The following AK5 variants were observed in gnomAD, a reference collection of about 807,000 sequenced individuals.
AK5 encodes the protein adenylate kinase 5.
In AK5, 27 loss-of-function variants were observed where a neutral mutation model predicts 69.5. That is an observed-to-expected ratio of 0.39 (90% CI 0.29 to 0.54). AK5 has a LOEUF of 0.54. AK5 is among the 20% of genes least tolerant of loss of function. The probability of loss-of-function intolerance (pLI) is 0.71; values close to 1 mark genes in which losing one functional copy is unlikely to be tolerated. For synonymous variants in AK5, 260 were observed against 244.4 expected, an observed-to-expected ratio of 1.06 and a Z score of -0.60; for missense variants, 531 against 700.4, an observed-to-expected ratio of 0.76 and a Z score of 2.73.
intron 13 of AK5, among the ~76,000 whole-genome samples, chr1:77,543,742 G>A (rs867377363): frequency 2.6e-5 from 4 of 152,094 alleles, no homozygotes; most frequent in Non-Finnish European, 2.9e-5. Context: ...CTCATTTATG[G>A]GGGTCTTCAG....
chr1:77,535,989 C>A lies in AK5; in HGVS notation c.1571C>A (p.Ala524Glu), dbSNP rs751611594. 7.4e-6 allele frequency: 12 copies of A among 1,613,792 alleles called. No homozygotes were observed. Among genetic ancestry groups the A allele is most frequent in the Non-Finnish European group, 1.0e-5 (12 of 1,179,994 alleles). Residue 524 changes from alanine to glutamate, a missense_variant, in exon 13 of 14, where the codon GCG becomes GAG. Transcript: ENST00000354567. ...AAGCGCCTAGAAGCCTACTACCGAG[C>A]GTCCATCCCCGTGATCGCCTACTAC... ...IAKRLEAYYR[A>E]SIPVIAYYET...
intron 6 of AK5, among the ~76,000 whole-genome samples, chr1:77,363,927 A>C (rs544766641): frequency 1.3e-5 from 2 of 151,834 alleles, no homozygotes; most frequent in African/African-American, 4.8e-5. Context: ...TTCTTTGTCT[A>C]CCTCTTCTGG....
chr1:77,335,553 A>G (rs945553279), intron 5 of AK5, among the ~76,000 whole-genome samples: 1 of 152,162 alleles, frequency 6.6e-6, no homozygotes, highest in African/African-American at 2.4e-5. Flanking sequence ...GGGTCTTCAC[A>G]TCTTTTAAAA....
chr1:77,477,862 A>G (rs760053317), intron 8 of AK5, among the ~76,000 whole-genome samples: 3 of 152,192 alleles, frequency 2.0e-5, no homozygotes, highest in Non-Finnish European at 4.4e-5. Flanking sequence ...AATACAAACA[A>G]GTTACTCTGA....
chr1:77,360,969 A>G (rs1347411677), intron 6 of AK5, among the ~76,000 whole-genome samples: 1 of 152,152 alleles, frequency 6.6e-6, no homozygotes, highest in Non-Finnish European at 1.5e-5. Flanking sequence ...ATGTGACAAA[A>G]TACAGTCCAG....
intron 5 of AK5, among the ~76,000 whole-genome samples, chr1:77,319,711 G>GT (rs1279636503): frequency 6.6e-6 from 1 of 152,214 alleles, no homozygotes; most frequent in Non-Finnish European, 1.5e-5. Flanking sequence ...TGCAGAGACA[G>GT]TTATAATTTG....
intron 6 of AK5, among the ~76,000 whole-genome samples, chr1:77,380,328 C>T (rs1647542511): frequency 6.6e-6 from 1 of 152,146 alleles, no homozygotes; most frequent in Non-Finnish European, 1.5e-5. Context: ...ATAGCCAATC[C>T]TCTCAAAATA....
intron 13 of AK5, among the ~76,000 whole-genome samples, chr1:77,543,764 T>C (rs1469170881): frequency 1.3e-5 from 2 of 152,168 alleles, no homozygotes; most frequent in East Asian, 1.9e-4. Flanking sequence ...AGTATTTTCG[T>C]AGGAAGCTGG....
At chr1:77,326,334 T>C (rs1660802615) in intron 5 of AK5, among the ~76,000 whole-genome samples, 1 of 152,196 alleles carries the variant, frequency 6.6e-6, no homozygotes, top group African/African-American at 2.4e-5. Flanking sequence ...GAAATAGGAC[T>C]ATATTAAGCA....
At chr1:77,497,481 T>A (rs1296846892) in intron 10 of AK5, among the ~76,000 whole-genome samples, 1 of 152,192 alleles carries the variant, frequency 6.6e-6, no homozygotes, top group Non-Finnish European at 1.5e-5. Flanking sequence ...ATTCTTGAAG[T>A]CAGTGAGACC....
chr1:77,353,561 C>G (rs1662330069), intron 6 of AK5, among the ~76,000 whole-genome samples: 1 of 152,196 alleles, frequency 6.6e-6, no homozygotes, highest in African/African-American at 2.4e-5. Flanking sequence ...AAGATAGGGA[C>G]TTGCTACCTT....
intron 10 of AK5, among the ~76,000 whole-genome samples, chr1:77,489,255 A>G (rs1232475717): frequency 6.6e-6 from 1 of 152,078 alleles, no homozygotes; most frequent in African/African-American, 2.4e-5. Flanking sequence ...TGCTGCACTG[A>G]GCAAAAGATT....
chr1:77,472,810 G>A (rs568935759), intron 8 of AK5, among the ~76,000 whole-genome samples: 5 of 108,148 alleles, frequency 4.6e-5, no homozygotes, highest in African/African-American at 1.5e-4. Flanking sequence ...GAGGCTCTAG[G>A]GAGAAATCCA....
intron 8 of AK5, among the ~76,000 whole-genome samples, chr1:77,453,542 C>A (rs1430307078): frequency 6.6e-6 from 1 of 152,092 alleles, no homozygotes; most frequent in Non-Finnish European, 1.5e-5. Context: ...AGGTTGTTTC[C>A]GATTTCTAAT....
intron 6 of AK5, among the ~76,000 whole-genome samples, chr1:77,388,224 G>T (rs188781227): frequency 3.9e-5 from 6 of 152,188 alleles, no homozygotes; most frequent in Admixed American, 2.0e-4. Context: ...AATATCACAA[G>T]TGTTGGGCAT....
chr1:77,317,591 G>A (rs1251662260), intron 5 of AK5, among the ~76,000 whole-genome samples: 5 of 152,094 alleles, frequency 3.3e-5, no homozygotes, highest in African/African-American at 7.2e-5. Flanking sequence ...CAGGTGTTCA[G>A]TCCCATCTAT....
chr1:77,526,778 CTT>C (rs879389835), intron 12 of AK5, among the ~76,000 whole-genome samples: 7 of 141,128 alleles, frequency 5.0e-5, no homozygotes, highest in African/African-American at 7.7e-5. Flanking sequence ...CTGGCCAAGT[CTT>C]TTTTTTTTTT....
At chr1:77,475,391 TATATATAATATATATG>T (rs1654821030) in intron 8 of AK5, among the ~76,000 whole-genome samples, 1 of 8,358 alleles carries the variant, frequency 1.2e-4, no homozygotes, top group Admixed American at 2.3e-3. Context: ...TATATATGTA[TATATATAATATATATG>T]TATATATATA....
chr1:77,347,812 C>T (rs190428640), intron 6 of AK5, among the ~76,000 whole-genome samples: 399 of 152,266 alleles, frequency 2.6e-3, no homozygotes, highest in Middle Eastern at 6.8e-3. Context: ...ATAGCTCATC[C>T]TGGCAATCTG....
Sources: allele counts gnomAD v4.1 joint callset (sites outside exome capture counted in the v4.1 genomes callset), GRCh38; gene constraint gnomAD v4.1.1; transcripts MANE v1.5; gene names NCBI Gene and HGNC (gene_info 2026-07-23, HGNC 2026-07-21).